POLG2: variants seen among roughly 807,000 people sequenced by gnomAD.
POLG2 encodes DNA polymerase gamma 2, accessory subunit, also known as DNA polymerase subunit gamma-2.
POLG2 carries 50 observed loss-of-function variants against 56.5 expected under a neutral mutation model. The ratio of observed to expected loss-of-function variants is 0.88; its 90% CI spans 0.71 to 1.12. The LOEUF is 1.12. POLG2 is among the 50% of genes most tolerant of loss of function. POLG2 has a pLI of 0.00. For missense variants in POLG2, 584 were observed against 583.3 expected (o/e 1.00, Z -0.01); for synonymous variants, 226 against 222.6 (o/e 1.02, Z -0.14).
chr17:64,485,837 C>CAAGG lies in POLG2; in HGVS notation c.997_1000dup (p.Cys334SerfsTer20), dbSNP rs781827030. On this transcript the variant is annotated frameshift_variant, in exon 5 of 8. Transcript: ENST00000539111. LOFTEE classifies it high-confidence loss of function. ...TAGGTCCCCATTTACAGAGAGAACA[C>CAAGG]AAGGAACCACATTTTTTCGTCCATC... is the stretch of plus-strand genomic sequence containing the variant. 2 of 1,613,830 alleles carry CAAGG rather than the reference C, an allele frequency of 1.2e-6. No individual in the cohort carries two copies. Among genetic ancestry groups the CAAGG allele is most frequent in the African/African-American group, 2.7e-5 (2 of 74,920 alleles).
intron 7 of POLG2, 29 bp from the exon 8 acceptor site, chr17:64,478,017 T>C (rs2144120709): frequency 6.2e-7 from 1 of 1,604,276 alleles, no homozygotes; most frequent in Non-Finnish European, 8.5e-7. Context: ...AACAGACACA[T>C]GAGCACAAAT....
intron 4 of POLG2, among the ~76,000 whole-genome samples, chr17:64,489,378 G>C (rs1271652146): frequency 1.3e-5 from 2 of 150,834 alleles, no homozygotes; most frequent in Non-Finnish European, 3.0e-5. Flanking sequence ...AAAAAAAAGG[G>C]AAGGGGAAAA....
Position 64,496,921 on chromosome 17 carries a change from G to T in POLG2, c.48C>A (p.Cys16Ter). The T allele has an allele frequency of 6.2e-7, 1 of 1,611,956 alleles. No individual in the cohort carries two copies. ...CTCGACCCCCAAACCCAGACAACAG[G>T]CACCTGCAGACCTTATGGCAGGCCC... ...AVRACHKVCR[C>*]LLSGFGGRVD... is the part of the protein sequence containing the mutation. The change falls in exon 1 of 8, where the codon TGC becomes TGA. Residue 16 changes from cysteine to a stop codon, truncating the protein, a stop_gained. Coordinates refer to ENST00000539111, the MANE Select transcript of POLG2 (RefSeq NM_007215.4). LOFTEE classifies it high-confidence loss of function.
chr17:64,493,573 C>T (rs571390858), intron 1 of POLG2, among the ~76,000 whole-genome samples: 2 of 152,250 alleles, frequency 1.3e-5, no homozygotes, highest in South Asian at 4.1e-4. Flanking sequence ...CAACCTCCGC[C>T]TCCCGGGTTC....
Position 64,492,978 on chromosome 17 carries a change from C to G in POLG2, c.606G>C (p.Lys202Asn). The G allele has an allele frequency of 6.2e-7, 1 of 1,614,066 alleles. No homozygotes were observed. The highest frequency in any genetic ancestry group is 8.5e-7 in the Non-Finnish European group (1 of 1,179,912). Residue 202 changes from lysine to asparagine, a missense_variant, in exon 2 of 8, where the codon AAG becomes AAC. Lys to Asn is a moderately conservative substitution (Grantham distance 94). Transcript: ENST00000539111. ...TCTGAGCAAGGCCATAAGGTAGCCTCTTGTTTACCAGATCCAGGCAATTAA... is the reference window on the plus strand; with the variant it reads ...TCTGAGCAAGGCCATAAGGTAGCCTGTTGTTTACCAGATCCAGGCAATTAA... ...HYVNCLDLVNKRLPYGLAQIG... is the reference protein window; with the variant it reads ...HYVNCLDLVNNRLPYGLAQIG...
chr17:64,494,297 G>GTGT (rs781935300), intron 1 of POLG2, among the ~76,000 whole-genome samples: 12 of 152,266 alleles, frequency 7.9e-5, no homozygotes, highest in East Asian at 5.8e-4. Context: ...GTAGATGTGT[G>GTGT]TATCTTATTG....
chr17:64,484,738 C>A (rs1213751542), intron 5 of POLG2, among the ~76,000 whole-genome samples: 1 of 152,106 alleles, frequency 6.6e-6, no homozygotes, highest in Non-Finnish European at 1.5e-5. Flanking sequence ...AAACCCCATT[C>A]CCCAGAATAA....
chr17:64,496,853 G>T lies in POLG2; in HGVS notation c.116C>A (p.Pro39His), dbSNP rs782128051. ...QPELLTERSS[P>H]KGGHVKSHAE... Reference sequence around the variant, plus strand: ...GTGCGACTTCACATGCCCTCCTTTGGGGCTACTCCTTTCCGTCAACAGCTC... The same window carrying T: ...GTGCGACTTCACATGCCCTCCTTTGTGGCTACTCCTTTCCGTCAACAGCTC... Residue 39 changes from proline (P) to histidine (H), a missense_variant, in exon 1 of 8, where the codon CCC (proline) becomes CAC (histidine). Physicochemically the swap from Pro to His is moderately conservative, Grantham distance 77. Transcript: ENST00000539111. 5 of 1,613,596 alleles carry T rather than the reference G, an allele frequency of 3.1e-6. No individual in the cohort carries two copies. The South Asian group carries it at 5.5e-5, about 18-fold the overall frequency.
chr17:64,490,166 T>C (rs530097738), intron 4 of POLG2, among the ~76,000 whole-genome samples: 2 of 152,186 alleles, frequency 1.3e-5, no homozygotes, highest in South Asian at 2.1e-4. Context: ...CTCATGATCC[T>C]CCCACTTCGG....
chr17:64,490,901 T>A lies in POLG2; in HGVS notation c.864A>T (p.Lys288Asn). 6.2e-7 allele frequency: 1 copy of A among 1,613,972 alleles called. No individual in the cohort carries two copies. Among genetic ancestry groups the A allele is most frequent in the Non-Finnish European group, 8.5e-7 (1 of 1,179,832 alleles). ...TTCCCCAGGGAAAATTGTAGTAAAG[T>A]TTGTTTCCTTTCCGGCCTTCTTCAT... ...CQDEEGRKGN[K>N]LYYNFPWGKE... The change falls in exon 4 of 8, where the codon AAA (lysine) becomes AAT (asparagine). Residue 288 changes from lysine (K) to asparagine (N), a missense_variant. By Grantham distance (94) the Lys-to-Asn change is moderately conservative. Transcript: ENST00000539111.
chr17:64,480,962 C>T (rs2037846830), intron 6 of POLG2, among the ~76,000 whole-genome samples: 1 of 152,182 alleles, frequency 6.6e-6, no homozygotes, highest in Non-Finnish European at 1.5e-5. Context: ...GAATAAATGA[C>T]ACAGTAAACT....
At chr17:64,487,665 G>A (rs2037982101) in intron 4 of POLG2, among the ~76,000 whole-genome samples, 1 of 150,516 alleles carries the variant, frequency 6.6e-6, no homozygotes, top group Admixed American at 6.6e-5. Context: ...AAGATTCTGT[G>A]GTGCGCTTTG....
chr17:64,496,713 G>C lies in POLG2; in HGVS notation c.256C>G (p.Leu86Val). The change falls in exon 1 of 8, where the codon CTT (leucine) becomes GTT (valine). Residue 86 changes from leucine to valine, a missense_variant. Coordinates refer to ENST00000539111, the MANE Select transcript of POLG2 (RefSeq NM_007215.4). Reference sequence around the variant, plus strand: ...CCACTCAGAAGAGAATCCCGGCTAAGCTGCTGCTTGCTTCCACTTAGGAAA... The same window carrying C: ...CCACTCAGAAGAGAATCCCGGCTAACCTGCTGCTTGCTTCCACTTAGGAAA... ...RHFLSGSKQQ[L>V]SRDSLLSGCH... 1 of 1,614,110 alleles carries C rather than the reference G, an allele frequency of 6.2e-7. No individual in the cohort carries two copies. Among genetic ancestry groups the C allele is most frequent in the Non-Finnish European group, 8.5e-7 (1 of 1,180,006 alleles).
rs545733434 is a variant in POLG2 at position 64,489,282 on chromosome 17, A to C, written c.969+1514T>G. Among the ~76,000 whole-genome samples, 10 of 151,950 alleles carry C rather than the reference A, an allele frequency of 6.6e-5. No individual in the cohort carries two copies. The East Asian group carries it at 1.7e-3, about 26-fold the overall frequency. On this transcript the variant is annotated intron_variant, in intron 4 of 7. Coordinates refer to ENST00000539111, the MANE Select transcript of POLG2 (RefSeq NM_007215.4). ...ATCTGTGAAATACCAATTTAAAAAA[A>C]AAATGGAGGAGAAGGAAAAGCTCTA... is the stretch of plus-strand genomic sequence containing the variant.
intron 7 of POLG2, among the ~76,000 whole-genome samples, chr17:64,478,894 TA>T (rs1173468421): frequency 1.1e-4 from 16 of 151,274 alleles, no homozygotes; most frequent in South Asian, 4.2e-4. Flanking sequence ...GACTCTGTCT[TA>T]AAAAAAAAGA....
intron 6 of POLG2, among the ~76,000 whole-genome samples, chr17:64,481,750 C>G (rs1555666506): frequency 1.3e-5 from 2 of 151,984 alleles, no homozygotes; most frequent in African/African-American, 4.8e-5. Context: ...CGGTGTGTAC[C>G]TGTAATCCCA....
chr17:64,490,272 A>G (rs1555668252), intron 4 of POLG2, among the ~76,000 whole-genome samples: 1 of 152,204 alleles, frequency 6.6e-6, no homozygotes, highest in African/African-American at 2.4e-5. Context: ...GGAGAAATCT[A>G]GTAGAAACCA....
At chr17:64,491,053 T>C (rs1403852152) in intron 3 of POLG2, 84 bp from the exon 4 acceptor site, 25 of 1,064,472 alleles carry the variant, frequency 2.3e-5, no homozygotes, top group Non-Finnish European at 2.6e-5. Context: ...GAATTTAAAT[T>C]GTCCGATACT....
rs1555668359 is a variant in POLG2, at chr17:64,490,897, A to G, written c.868T>C (p.Tyr290His). The G allele has an allele frequency of 3.1e-6, 5 of 1,613,866 alleles. No homozygotes were observed. Among genetic ancestry groups the G allele is most frequent in the Admixed American group, 1.7e-5 (1 of 60,026 alleles). Residue 290 changes from tyrosine to histidine, a missense_variant, in exon 4 of 8, where the codon TAC becomes CAC. Physicochemically the swap from Tyr to His is moderately conservative, Grantham distance 83 (BLOSUM62 2). Transcript: ENST00000539111. ...DEEGRKGNKL[Y>H]YNFPWGKELI... is the part of the protein sequence containing the mutation. Reference sequence around the variant, plus strand: ...TCCTTTCCCCAGGGAAAATTGTAGTAAAGTTTGTTTCCTTTCCGGCCTTCT... The same window carrying G: ...TCCTTTCCCCAGGGAAAATTGTAGTGAAGTTTGTTTCCTTTCCGGCCTTCT...
Sources: gnomAD v4.1 joint callset for allele counts (sites outside exome capture counted in the v4.1 genomes callset) on GRCh38, gnomAD v4.1.1 for gene constraint, MANE v1.5 for transcripts, NCBI Gene and HGNC (gene_info 2026-07-23, HGNC 2026-07-21) for gene names.